BTRC: variants seen among roughly 807,000 people sequenced by gnomAD.
BTRC encodes the protein F-box/WD repeat-containing protein 1A.
In BTRC, 42 loss-of-function variants were observed where a neutral mutation model predicts 85.5. The observed-to-expected ratio is 0.49, with a 90% CI of 0.38 to 0.64. The LOEUF (loss-of-function observed/expected upper bound fraction) is 0.64. BTRC is among the 30% of genes least tolerant of loss of function. The pLI is 0.00. For missense variants in BTRC, 594 were observed against 743.5 expected, an observed-to-expected ratio of 0.80 and a Z score of 2.34; for synonymous variants, 255 against 263.3, an observed-to-expected ratio of 0.97 and a Z score of 0.30.
chr10:101,366,576 A>G (rs1942380956), intron 1 of BTRC, among the ~76,000 whole-genome samples: 1 of 150,816 alleles, frequency 6.6e-6, no homozygotes, highest in African/African-American at 2.4e-5. Context: ...GACCTTGAAG[A>G]GTAGATAGAT....
Position 101,554,024 on chromosome 10 carries a change from C to G in BTRC, c.*901C>G, listed in dbSNP as rs151232683. ...TTGCAACTCTTCTCTCTCTTTCTTC[C>G]CCACACCCAAGAGGAGGATTGGTGG... On this transcript the variant is annotated 3_prime_UTR_variant, in exon 15 of 15. Transcript: ENST00000370187. 3 of 152,238 alleles carry G rather than the reference C, an allele frequency of 2.0e-5. No homozygotes were observed. The East Asian group carries it at 5.8e-4, about 29-fold the overall frequency. 9.4% of individuals were successfully genotyped at this position (152,238 alleles called of 1,614,324 possible).
Position 101,521,764 on chromosome 10 carries a change from G to A in BTRC, c.450G>A (p.Val150=). 6.2e-7 allele frequency: 1 copy of A among 1,614,044 alleles called. No homozygotes were observed. Among genetic ancestry groups the A allele is most frequent in the Non-Finnish European group, 8.5e-7 (1 of 1,179,952 alleles). Residue 150 remains valine, a synonymous_variant, in exon 5 of 15, where the codon GTG becomes GTA. Coordinates refer to ENST00000370187, the MANE Select transcript of BTRC (RefSeq NM_033637.4). ...YFEQWSESDQ[V]EFVEHLISQM... ...AGCAGTGGTCAGAGTCAGATCAAGT[G>A]GAATTTGTGGAACATCTTATATCCC...
At chr10:101,405,538 G>C (rs1487310475) in intron 1 of BTRC, among the ~76,000 whole-genome samples, 1 of 152,148 alleles carries the variant, frequency 6.6e-6, no homozygotes, top group Non-Finnish European at 1.5e-5. Flanking sequence ...CCCACTTGTG[G>C]GTTTCAGGCA....
chr10:101,441,791 G>A (rs182513570), intron 2 of BTRC, among the ~76,000 whole-genome samples: 215 of 143,548 alleles, frequency 1.5e-3, no homozygotes, highest in Middle Eastern at 8.0e-3. Flanking sequence ...TAAGGCACGC[G>A]AATCGCTTGA....
intron 1 of BTRC, among the ~76,000 whole-genome samples, chr10:101,397,059 C>T (rs942679595): frequency 6.6e-6 from 1 of 152,174 alleles, no homozygotes; most frequent in Admixed American, 6.5e-5. Flanking sequence ...TCGCCTCGGC[C>T]TCCCAAAGTG....
chr10:101,532,394 C>G lies in BTRC; in HGVS notation c.940C>G (p.Gln314Glu), dbSNP rs950733041. 4.3e-6 allele frequency: 7 copies of G among 1,612,832 alleles called. No individual in the cohort carries two copies. The highest frequency in any genetic ancestry group is 5.9e-6 in the Non-Finnish European group (7 of 1,179,686). The stretch of plus-strand genomic sequence containing the variant: ...AGTTTACTGTTTACAGTATGATGAT[C>G]AGAAAATAGTAAGCGGCCTTCGAGA... ...KGVYCLQYDDQKIVSGLRDNT... is the reference protein window; with the variant it reads ...KGVYCLQYDDEKIVSGLRDNT... Residue 314 changes from glutamine (Q) to glutamate (E), a missense_variant, in exon 8 of 15, where the codon CAG becomes GAG. Physicochemically the swap from Gln to Glu is conservative, Grantham distance 29. This residue lies in a region of BTRC where 373 missense variants were observed against 503.6 expected (regional missense o/e 0.74). Transcript: ENST00000370187.
At chr10:101,442,296 A>ATGTGTGTGTGTGTGTG (rs139018865) in intron 2 of BTRC, among the ~76,000 whole-genome samples, 1,572 of 142,088 alleles carry the variant, frequency 0.011, 24 homozygotes, top group African/African-American at 0.028. Flanking sequence ...CTCTGTGTGT[A>ATGTGTGTGTGTGTGTG]TGTGTGTGTG....
intron 4 of BTRC, among the ~76,000 whole-genome samples, chr10:101,484,433 A>C (rs1485439255): frequency 2.0e-5 from 3 of 152,236 alleles, no homozygotes; most frequent in Non-Finnish European, 4.4e-5. Context: ...AACCATGAAC[A>C]GTGCAACTGT....
intron 1 of BTRC, among the ~76,000 whole-genome samples, chr10:101,423,206 G>A (rs544359597): frequency 3.3e-5 from 5 of 152,100 alleles, no homozygotes; most frequent in Non-Finnish European, 7.4e-5. Context: ...GAGCCACCTT[G>A]CCTGACCCTC....
At chr10:101,373,153 G>A (rs1055826720) in intron 1 of BTRC, among the ~76,000 whole-genome samples, 2 of 152,140 alleles carry the variant, frequency 1.3e-5, no homozygotes, top group African/African-American at 4.8e-5. Context: ...TAAATCTGTG[G>A]TCTGTGGCCC....
intron 1 of BTRC, among the ~76,000 whole-genome samples, chr10:101,367,032 TTA>T (rs1157232108): frequency 7.7e-5 from 4 of 52,242 alleles, no homozygotes; most frequent in African/African-American, 1.6e-4. Flanking sequence ...ATTTATATAT[TTA>T]TATATATAAA....
intron 1 of BTRC, among the ~76,000 whole-genome samples, chr10:101,370,480 T>C (rs1942602493): frequency 6.6e-6 from 1 of 152,216 alleles, no homozygotes; most frequent in African/African-American, 2.4e-5. Context: ...TGCAGATGTC[T>C]GTTTTGCCTG....
At chr10:101,461,259 T>G (rs1465629368) in intron 2 of BTRC, among the ~76,000 whole-genome samples, 1 of 152,170 alleles carries the variant, frequency 6.6e-6, no homozygotes, top group Non-Finnish European at 1.5e-5. Flanking sequence ...TTGCTGAAAA[T>G]GGAACTCAAA....
chr10:101,542,951 A>G (rs978361381), intron 13 of BTRC, among the ~76,000 whole-genome samples: 3 of 152,286 alleles, frequency 2.0e-5, no homozygotes, highest in South Asian at 4.1e-4. Flanking sequence ...ATGTCGGCTC[A>G]CTGCAACCTC....
chr10:101,430,912 C>G (rs1217339853), intron 2 of BTRC, among the ~76,000 whole-genome samples: 1 of 151,808 alleles, frequency 6.6e-6, no homozygotes, highest in Non-Finnish European at 1.5e-5. Context: ...AATTATACTA[C>G]TAAGTATATA....
intron 1 of BTRC, among the ~76,000 whole-genome samples, chr10:101,403,537 AAAAATT>A (rs1348367646): frequency 6.6e-6 from 1 of 152,124 alleles, no homozygotes; most frequent in Non-Finnish European, 1.5e-5. Flanking sequence ...CAGTGAGTTT[AAAAATT>A]TTATTTTCAG....
intron 3 of BTRC, among the ~76,000 whole-genome samples, chr10:101,468,478 A>G (rs180985934): frequency 3.0e-4 from 46 of 152,226 alleles, no homozygotes; most frequent in Admixed American, 1.4e-3. Context: ...ACAACACGGA[A>G]TGATAGCAGA....
intron 3 of BTRC, among the ~76,000 whole-genome samples, chr10:101,467,444 C>T (rs1945408440): frequency 6.6e-6 from 1 of 151,768 alleles, no homozygotes; most frequent in Admixed American, 6.6e-5. Context: ...TCGAGAAAAC[C>T]CATTCCCTAT....
intron 4 of BTRC, among the ~76,000 whole-genome samples, chr10:101,519,706 TG>T (rs1485814632): frequency 6.6e-6 from 1 of 152,158 alleles, no homozygotes; most frequent in Non-Finnish European, 1.5e-5. Flanking sequence ...CCAAGAGTCT[TG>T]GGGACCAGCC....
Sources: allele counts gnomAD v4.1 joint callset (sites outside exome capture counted in the v4.1 genomes callset), GRCh38; gene constraint gnomAD v4.1.1; regional missense constraint gnomAD v4.1.1; transcripts MANE v1.5; gene names NCBI Gene and HGNC (gene_info 2026-07-23, HGNC 2026-07-21).